The following TMEM101 variants were observed in gnomAD, a reference collection of about 807,000 sequenced individuals.
The protein encoded by TMEM101 is transmembrane protein 101, also known as putative NF-kappa-B-activating protein 130.
A neutral mutation model predicts 26.0 loss-of-function variants in TMEM101; 14 were observed. That is an observed-to-expected ratio of 0.54 (90% CI 0.36 to 0.84). The LOEUF (loss-of-function observed/expected upper bound fraction) is 0.84, where lower values mean the gene tolerates loss of function less well. TMEM101 is among the 40% of genes least tolerant of loss of function. The pLI, the probability that TMEM101 is intolerant of heterozygous loss-of-function variation, is 0.01. For missense variants in TMEM101, 292 were observed against 345.1 expected (o/e 0.85, Z 1.22); for synonymous variants, 152 against 145.1 (o/e 1.05, Z -0.34).
upstream of TMEM101, among the ~76,000 whole-genome samples, chr17:44,017,804 G>A (rs1425519518): frequency 6.6e-6 from 1 of 151,920 alleles, no homozygotes. Flanking sequence ...GTGAAAGGTG[G>A]GCAATAAAAC....
intron 2 of TMEM101, among the ~76,000 whole-genome samples, chr17:44,020,948 G>A (rs1227024437): frequency 2.6e-5 from 4 of 152,226 alleles, no homozygotes; most frequent in Non-Finnish European, 5.9e-5. Flanking sequence ...CTGATTACTA[G>A]CAGACAGGTT....
At chr17:44,016,113 A>G (rs1473844303), upstream of TMEM101, among the ~76,000 whole-genome samples, 1 of 151,490 alleles carries the variant, frequency 6.6e-6, no homozygotes, top group Non-Finnish European at 1.5e-5. Context: ...ATAGATAGAT[A>G]TAGATACACA....
chr17:44,015,029 G>A (rs1234142591), upstream of TMEM101: 1 of 1,505,134 alleles, frequency 6.6e-7, no homozygotes, highest in African/African-American at 1.4e-5. Context: ...CAGCTTCCGG[G>A]TCAAGCGCTT....
At chr17:44,022,943 T>C (rs1345705586) in intron 1 of TMEM101, 1 of 160,526 alleles carries the variant, frequency 6.2e-6, no homozygotes, top group Non-Finnish European at 1.4e-5. Context: ...AATAAGCGAA[T>C]GATATAAGCA....
At chr17:44,012,539 G>A (rs992627632) in intron 3 of TMEM101, 18 of 420,434 alleles carry the variant, frequency 4.3e-5, no homozygotes, top group Middle Eastern at 5.9e-4. Context: ...AGATATACTC[G>A]GTAATTAAGA....
At chr17:44,012,958 T>C in intron 3 of TMEM101, 51 bp downstream of exon 3, 1 of 1,494,636 alleles carries the variant, frequency 6.7e-7, no homozygotes, top group Non-Finnish European at 9.0e-7. Flanking sequence ...ATGCCTAGAC[T>C]CACAGTTCAC....
upstream of TMEM101, among the ~76,000 whole-genome samples, chr17:44,017,718 G>A (rs1467960641): frequency 6.6e-6 from 1 of 150,592 alleles, no homozygotes; most frequent in Non-Finnish European, 1.5e-5. Flanking sequence ...AGCCAAGTTC[G>A]CGCCATTGCA....
intron 3 of TMEM101, 92 bp downstream of exon 3, chr17:44,012,917 C>T (rs762090653): frequency 5.8e-6 from 8 of 1,374,564 alleles, no homozygotes; most frequent in South Asian, 3.5e-5. Flanking sequence ...CTCAGGGCCT[C>T]GTTCTGTGTC....
chr17:44,020,588 G>A (rs228785), intron 2 of TMEM101, among the ~76,000 whole-genome samples: 60,385 of 152,030 alleles, frequency 0.4, 14,140 homozygotes, highest in Middle Eastern at 0.6. Context: ...CAGGCGTGGC[G>A]ACATGCACCT....
chr17:44,014,683 C>T, intron 1 of TMEM101, 133 bp downstream of exon 1: 1 of 1,496,896 alleles, frequency 6.7e-7, no homozygotes, highest in Non-Finnish European at 9.0e-7. Flanking sequence ...AGATTTGGTC[C>T]GACACCCAGA....
At chr17:44,016,242 G>C (rs1204686798), upstream of TMEM101, among the ~76,000 whole-genome samples, 1 of 151,784 alleles carries the variant, frequency 6.6e-6, no homozygotes, top group African/African-American at 2.4e-5. Flanking sequence ...GTGCGATCTT[G>C]GCTCACTACA....
rs534944796 is a variant in TMEM101 at position 44,020,238 on chromosome 17, G to C, written c.-210+1084C>G. 2.0e-5 allele frequency among the ~76,000 whole-genome samples: 3 copies of C among 152,312 alleles called. No homozygotes were observed. The South Asian group carries it at 6.2e-4, about 32-fold the overall frequency. On this transcript the variant is annotated intron_variant, in intron 2 of 4. Coordinates refer to the TMEM101 transcript ENST00000585950. ...GGAATTAATGGCCACCCCCAAGTGT[G>C]TCTCCCCGTCCAAGCAGGTATTGCC...
At chr17:44,013,274 A>G in intron 2 of TMEM101, 119 bp from the exon 3 acceptor site, 1 of 1,057,928 alleles carries the variant, frequency 9.5e-7, no homozygotes, top group Non-Finnish European at 1.2e-6. Context: ...ACCCTCTTAC[A>G]TTTCCAAGCT....
At chr17:44,013,590 C>T (rs1214965701) in intron 2 of TMEM101, among the ~76,000 whole-genome samples, 6 of 152,246 alleles carry the variant, frequency 3.9e-5, no homozygotes, top group Non-Finnish European at 5.9e-5. Flanking sequence ...ACCTGGAAGG[C>T]GGAGGTTGCA....
At chr17:44,021,504 G>C (rs1391882574) in intron 1 of TMEM101, 1 of 152,176 alleles carries the variant, frequency 6.6e-6, no homozygotes, top group Non-Finnish European at 1.5e-5. Flanking sequence ...TGTGCGCAAG[G>C]ATTCAGATAT....
chr17:44,020,206 G>C (rs552308675), intron 2 of TMEM101, among the ~76,000 whole-genome samples: 36 of 152,254 alleles, frequency 2.4e-4, no homozygotes, highest in African/African-American at 8.4e-4. Flanking sequence ...TATCCCAGAT[G>C]GTGAATGGAA....
chr17:44,019,486 A>G (rs1373554113), upstream of TMEM101: 1 of 176,638 alleles, frequency 5.7e-6, no homozygotes, highest in East Asian at 1.7e-4. Context: ...AGGGCCCTTC[A>G]TGACCAGGCT....
In TMEM101 at chr17:44,014,452, G is replaced by A. The variant is rs1427877023; in HGVS notation, c.223C>T (p.Arg75Trp). ...CASFMSFGVK[R>W]RWFALGAALQ... ...GCGGCCCCCAGCGCGAACCAGCGCC[G>A]CTTCACGCCAAAGGACATGAAACTA... Residue 75 changes from arginine to tryptophan, a missense_variant, in exon 2 of 4, where the codon CGG becomes TGG. By Grantham distance (101) the Arg-to-Trp change is moderately radical. Around this residue, in one of 2 missense-constraint regions of TMEM101, gnomAD observed 143 missense variants for 133.2 expected, o/e 1.07. Transcript: ENST00000206380. 1 of 1,560,012 alleles carries A rather than the reference G, an allele frequency of 6.4e-7. No homozygotes were observed. The highest frequency in any genetic ancestry group is 8.7e-7 in the Non-Finnish European group (1 of 1,151,566).
At chr17:44,014,273 T>G in intron 2 of TMEM101, 84 bp downstream of exon 2, 1 of 1,460,312 alleles carries the variant, frequency 6.8e-7, no homozygotes, top group East Asian at 2.5e-5. Flanking sequence ...CCAGCACCAT[T>G]CATCGCCCAC....
Sources: gnomAD v4.1 joint callset for allele counts (sites outside exome capture counted in the v4.1 genomes callset) on GRCh38, gnomAD v4.1.1 for gene constraint, gnomAD v4.1.1 regional missense constraint, MANE v1.5 for transcripts, NCBI Gene and HGNC (gene_info 2026-07-23, HGNC 2026-07-21) for gene names.